FCHSD2: variants seen among roughly 807,000 people sequenced by gnomAD.
The protein encoded by FCHSD2 is FCH and double SH3 domains 2.
A neutral mutation model predicts 108.1 loss-of-function variants in FCHSD2; 38 were observed. That is an observed-to-expected ratio of 0.35 (90% CI 0.27 to 0.46). The LOEUF is 0.46. Ranked by LOEUF, FCHSD2 falls within the 20% of genes least tolerant of loss-of-function variation. The probability of loss-of-function intolerance (pLI) is 1.00; values close to 1 mark genes in which losing one functional copy is unlikely to be tolerated. For synonymous variants in FCHSD2, 279 were observed against 314.7 expected, an observed-to-expected ratio of 0.89 and a Z score of 1.20; for missense variants, 751 against 897.8, an observed-to-expected ratio of 0.84 and a Z score of 2.09.
intron 2 of FCHSD2, among the ~76,000 whole-genome samples, chr11:73,113,222 T>C (rs2135548557): frequency 6.6e-6 from 1 of 152,240 alleles, no homozygotes; most frequent in East Asian, 1.9e-4. Flanking sequence ...CTCTGTGTTA[T>C]CTCGAATTTC....
intron 2 of FCHSD2, among the ~76,000 whole-genome samples, chr11:73,122,359 G>A (rs1860754232): frequency 6.6e-6 from 1 of 152,170 alleles, no homozygotes; most frequent in Admixed American, 6.6e-5. Flanking sequence ...CTCTGCTGCA[G>A]CTGAATGCAC....
intron 3 of FCHSD2, among the ~76,000 whole-genome samples, chr11:73,031,955 G>C (rs1056748067): frequency 2.6e-5 from 4 of 151,414 alleles, no homozygotes; most frequent in African/African-American, 9.7e-5. Context: ...ATTCTGCCAG[G>C]GATTAATTTA....
chr11:73,022,945 G>A (rs1461753745), intron 3 of FCHSD2, among the ~76,000 whole-genome samples: 1 of 152,064 alleles, frequency 6.6e-6, no homozygotes, highest in Non-Finnish European at 1.5e-5. Flanking sequence ...ATGGAGACAG[G>A]ATAGTCTCAA....
chr11:73,006,825 G>A (rs1857751344), intron 4 of FCHSD2, among the ~76,000 whole-genome samples: 1 of 152,232 alleles, frequency 6.6e-6, no homozygotes, highest in Admixed American at 6.5e-5. Context: ...GTTCGGCACA[G>A]GGTATGGCAT....
intron 8 of FCHSD2, among the ~76,000 whole-genome samples, chr11:72,924,876 T>C (rs535967235): frequency 2.0e-5 from 3 of 152,252 alleles, no homozygotes; most frequent in African/African-American, 7.2e-5. Context: ...TCTGAATAAA[T>C]TTCCTGTATC....
intron 3 of FCHSD2, among the ~76,000 whole-genome samples, chr11:73,074,075 C>G (rs986301578): frequency 6.6e-6 from 1 of 152,012 alleles, no homozygotes; most frequent in Non-Finnish European, 1.5e-5. Context: ...GTACTTAAAA[C>G]AGTGTGATAT....
At chr11:72,977,405 G>A (rs1453183959) in intron 8 of FCHSD2, among the ~76,000 whole-genome samples, 3 of 152,046 alleles carry the variant, frequency 2.0e-5, no homozygotes, top group African/African-American at 7.2e-5. Context: ...ACAGCCCATG[G>A]AATGGTAAAA....
intron 10 of FCHSD2, among the ~76,000 whole-genome samples, chr11:72,891,917 C>T (rs950224358): frequency 2.6e-5 from 4 of 152,222 alleles, no homozygotes; most frequent in South Asian, 2.1e-4. Flanking sequence ...ATGTTAAAGA[C>T]CCAATTGAAA....
intron 3 of FCHSD2, among the ~76,000 whole-genome samples, chr11:73,030,286 G>A (rs1858328170): frequency 6.6e-6 from 1 of 152,050 alleles, no homozygotes; most frequent in Admixed American, 6.6e-5. Context: ...TACTAGCATA[G>A]ATTCTAGAAG....
At chr11:73,129,074 T>C (rs1231535682) in intron 2 of FCHSD2, among the ~76,000 whole-genome samples, 1 of 151,800 alleles carries the variant, frequency 6.6e-6, no homozygotes, top group African/African-American at 2.4e-5. Flanking sequence ...GATTTCACCA[T>C]GTTAGCCAGG....
At chr11:73,093,381 G>T (rs566001700) in intron 2 of FCHSD2, among the ~76,000 whole-genome samples, 2 of 152,208 alleles carry the variant, frequency 1.3e-5, no homozygotes, top group African/African-American at 4.8e-5. Context: ...CCACAAAATT[G>T]CAAGTCGTGT....
rs1416012959 is a variant in FCHSD2, at chr11:72,841,491, C to T, written c.2019G>A (p.Arg673=). 15 of 1,611,052 alleles carry T rather than the reference C, an allele frequency of 9.3e-6. 1 individual carries two copies. The East Asian group carries it at 3.1e-4, about 34-fold the overall frequency. Residue 673 remains arginine (R), a synonymous_variant, in exon 18 of 20, where the codon AGG becomes AGA. Transcript: ENST00000409418. ...GAGACCGGGGAAAGTACAGGGAGCT[C>T]CTCTTATCTGGGCTGGGGTAGGGGC... is the stretch of plus-strand genomic sequence containing the variant. ...PSSPYPSPDK[R]SSLYFPRSPS... is the part of the protein sequence containing the mutation.
chr11:73,089,214 A>G (rs1443757880), intron 2 of FCHSD2, among the ~76,000 whole-genome samples: 2 of 152,234 alleles, frequency 1.3e-5, no homozygotes, highest in African/African-American at 4.8e-5. Context: ...GGCATTTGCT[A>G]AAATTCTGAA....
chr11:73,107,946 T>TG (rs1217197194), intron 2 of FCHSD2, among the ~76,000 whole-genome samples: 3 of 152,238 alleles, frequency 2.0e-5, no homozygotes, highest in Non-Finnish European at 4.4e-5. Context: ...CTGTGATTGA[T>TG]GGATTGTATG....
At chr11:72,914,439 C>T (rs1031508668) in intron 9 of FCHSD2, among the ~76,000 whole-genome samples, 1 of 152,118 alleles carries the variant, frequency 6.6e-6, no homozygotes, top group African/African-American at 2.4e-5. Context: ...CCAAGGCAAT[C>T]CTAAGCAAAA....
chr11:72,959,850 T>C (rs1029094338), intron 8 of FCHSD2, among the ~76,000 whole-genome samples: 1 of 85,600 alleles, frequency 1.2e-5, no homozygotes, highest in Non-Finnish European at 2.6e-5. Context: ...TTTAAGTTTC[T>C]AGGGTGTGTG....
chr11:73,059,286 T>G (rs1228737215), intron 3 of FCHSD2, among the ~76,000 whole-genome samples: 2 of 152,180 alleles, frequency 1.3e-5, no homozygotes, highest in Non-Finnish European at 2.9e-5. Context: ...TGGGTTTTTT[T>G]TTTAACCCCC....
At chr11:73,038,014 C>T (rs1447660892) in intron 3 of FCHSD2, among the ~76,000 whole-genome samples, 3 of 152,148 alleles carry the variant, frequency 2.0e-5, no homozygotes, top group Non-Finnish European at 4.4e-5. Context: ...CCAAGTCAAG[C>T]TTTTTCCACA....
intron 2 of FCHSD2, among the ~76,000 whole-genome samples, chr11:73,107,513 A>C (rs1409714637): frequency 6.6e-6 from 1 of 152,140 alleles, no homozygotes. Context: ...TCCAATTGTC[A>C]CCCTGTTGTG....
Sources: allele counts gnomAD v4.1 joint callset (sites outside exome capture counted in the v4.1 genomes callset), GRCh38; gene constraint gnomAD v4.1.1; transcripts MANE v1.5; gene names NCBI Gene and HGNC (gene_info 2026-07-23, HGNC 2026-07-21).